Variants in PRR5 observed in about 807,000 individuals in gnomAD.
The protein encoded by PRR5 is proline rich 5.
In PRR5, 25 loss-of-function variants were observed where a neutral mutation model predicts 30.6. That is an observed-to-expected ratio of 0.82 (90% CI 0.60 to 1.14). PRR5 has a LOEUF of 1.14. Ranked by LOEUF, PRR5 falls within the 50% of genes most tolerant of loss-of-function variation. PRR5 has a pLI of 0.00. For synonymous variants in PRR5, 286 were observed against 247.1 expected (o/e 1.16, Z -1.48); for missense variants, 600 against 547.1 (o/e 1.10, Z -0.96).
chr22:44,676,154 C>T (rs959615640), upstream of PRR5, among the ~76,000 whole-genome samples: 1 of 151,884 alleles, frequency 6.6e-6, no homozygotes, highest in Admixed American at 6.6e-5. Flanking sequence ...GAGGTCAAGG[C>T]GGGCAGATCA....
intron 2 of PRR5, among the ~76,000 whole-genome samples, chr22:44,719,962 A>G (rs1456981156): frequency 6.6e-6 from 1 of 152,220 alleles, no homozygotes. Flanking sequence ...CATCCCAGGT[A>G]TACCCAGGCT....
intron 2 of PRR5, among the ~76,000 whole-genome samples, chr22:44,721,930 C>G (rs1397518753): frequency 6.6e-6 from 1 of 152,236 alleles, no homozygotes; most frequent in African/African-American, 2.4e-5. Flanking sequence ...AGTGGCCCTG[C>G]AAGTAATGCC....
upstream of PRR5, among the ~76,000 whole-genome samples, chr22:44,672,977 C>A (rs1569058197): frequency 6.6e-6 from 1 of 152,248 alleles, no homozygotes; most frequent in African/African-American, 2.4e-5. Flanking sequence ...GCCTTGCCAT[C>A]AGGAACCACC....
At chr22:44,702,845 C>T (rs1427715788) in intron 1 of PRR5, among the ~76,000 whole-genome samples, 2 of 152,186 alleles carry the variant, frequency 1.3e-5, no homozygotes, top group African/African-American at 4.8e-5. Flanking sequence ...CGGGGCTGGC[C>T]CAGAAGCGCC....
intron 1 of PRR5, among the ~76,000 whole-genome samples, chr22:44,703,776 G>A (rs550326569): frequency 5.5e-4 from 84 of 152,274 alleles, no homozygotes; most frequent in African/African-American, 1.9e-3. Context: ...CTAGCACTTT[G>A]GGAGGCCAAG....
At chr22:44,697,984 ATGTCACT>A (rs1278567862), upstream of PRR5, among the ~76,000 whole-genome samples, 1 of 152,156 alleles carries the variant, frequency 6.6e-6, no homozygotes, top group Non-Finnish European at 1.5e-5. Context: ...AGAGATCATG[ATGTCACT>A]TGCAGTGCTG....
intron 4 of PRR5, chr22:44,731,466 G>T: frequency 1.8e-6 from 1 of 549,086 alleles, no homozygotes; most frequent in Non-Finnish European, 3.3e-6. Flanking sequence ...AGTTCCCTGT[G>T]CCTTAGGCTC....
Position 44,726,724 on chromosome 22 carries a change from G to A in PRR5, c.322+90G>A, listed in dbSNP as rs1920962197. On this transcript the variant is annotated intron_variant, in intron 4 of 7. Coordinates refer to ENST00000336985, the MANE Select transcript of PRR5 (RefSeq NM_181333.4). Reference sequence around the variant, plus strand: ...TGGGCCTCGTGCTGGGGGCCTCTGGGTGCAAGGTGTGGCTCTCTGGTCCGG... The same window carrying A: ...TGGGCCTCGTGCTGGGGGCCTCTGGATGCAAGGTGTGGCTCTCTGGTCCGG... The A allele has an allele frequency of 1.6e-5, 26 of 1,588,792 alleles. 1 individual carries two copies. In the South Asian group the frequency reaches 2.4e-4, roughly 15 times the overall value.
chr22:44,734,795 C>T, intron 6 of PRR5: 1 of 604,944 alleles, frequency 1.7e-6, no homozygotes, highest in Non-Finnish European at 2.9e-6. Flanking sequence ...CAGGGCACAC[C>T]ATGGTCTCCC....
intron 1 of PRR5, among the ~76,000 whole-genome samples, chr22:44,703,504 C>T (rs1926701532): frequency 6.6e-6 from 1 of 152,196 alleles, no homozygotes; most frequent in Non-Finnish European, 1.5e-5. Context: ...TTGTGAGCGT[C>T]ATGGTGGGCT....
intron 2 of PRR5, among the ~76,000 whole-genome samples, chr22:44,717,350 C>T (rs1929227166): frequency 6.6e-6 from 1 of 151,794 alleles, no homozygotes; most frequent in Non-Finnish European, 1.5e-5. Flanking sequence ...CATCACCACG[C>T]CTGGCTAATT....
At position 44,736,786 on chromosome 22, in the gene PRR5, C is replaced by T. The variant is rs756128125; in HGVS notation, c.706C>T (p.Arg236Cys). 15 of 1,550,048 alleles carry T rather than the reference C, an allele frequency of 9.7e-6. No individual in the cohort carries two copies. Among genetic ancestry groups the T allele is most frequent in the South Asian group, 9.6e-5 (8 of 83,696 alleles). The change falls in exon 8 of 8, where the codon CGC becomes TGC. Residue 236 changes from arginine (R) to cysteine (C), a missense_variant. Coordinates refer to ENST00000336985, the MANE Select transcript of PRR5 (RefSeq NM_181333.4). ...HSCILEKRLLRRSRSGDVLAK... is the reference protein window; with the variant it reads ...HSCILEKRLLCRSRSGDVLAK... ...TCTCTCCCCAGAAAAGCGCCTCCTC[C>T]GCCGCTCCCGCTCGGGGGACGTGCT... is the stretch of plus-strand genomic sequence containing the variant.
Position 44,737,377 on chromosome 22 carries a change from T to C in PRR5, c.*130T>C. On this transcript the variant is annotated 3_prime_UTR_variant, in exon 8 of 8. Transcript: ENST00000336985. ...AGCCCTATCGGCCTCGTCACTGGCC[T>C]TGGTCACTTTGTATTTCTGTCTTGG... 1 of 1,409,196 alleles carries C rather than the reference T, an allele frequency of 7.1e-7. No individual in the cohort carries two copies. The highest frequency in any genetic ancestry group is 9.3e-7 in the Non-Finnish European group (1 of 1,075,214). 87.3% of individuals were successfully genotyped at this position (1,409,196 alleles called of 1,614,324 possible).
chr22:44,718,637 AG>A (rs57707731), intron 2 of PRR5, among the ~76,000 whole-genome samples: 53,845 of 152,052 alleles, frequency 0.35, 9,804 homozygotes, highest in South Asian at 0.56. Context: ...TAAGCAGGGC[AG>A]GAGAGTTCAG....
rs979384450 is a variant in PRR5, at chr22:44,684,200, G to C, written c.-11+6960G>C. On this transcript the variant is annotated intron_variant, in intron 1 of 8. Transcript: ENST00000006251. Reference sequence around the variant, plus strand: ...AGAGCCTGAGCTGTGAGCCCAGTGAGGCCAGGAGCTGGAAGCCAGTCTGAT... The same window carrying C: ...AGAGCCTGAGCTGTGAGCCCAGTGACGCCAGGAGCTGGAAGCCAGTCTGAT... Among the ~76,000 whole-genome samples, 7 of 152,334 alleles carry C rather than the reference G, an allele frequency of 4.6e-5. No homozygotes were observed. In the East Asian group the frequency reaches 1.4e-3, roughly 29 times the overall value.
chr22:44,712,535 T>A (rs542669957), intron 1 of PRR5, among the ~76,000 whole-genome samples: 2 of 152,270 alleles, frequency 1.3e-5, no homozygotes, highest in African/African-American at 4.8e-5. Context: ...GGAGTTCAGG[T>A]GCACAGGGGC....
At chr22:44,700,185 C>T (rs12166489), upstream of PRR5, among the ~76,000 whole-genome samples, 49 of 152,090 alleles carry the variant, frequency 3.2e-4, 1 homozygote, top group African/African-American at 1.0e-3. Context: ...GCCAGGGAGC[C>T]GGGCACAGTG....
chr22:44,726,954 C>A (rs1164970652), intron 4 of PRR5, among the ~76,000 whole-genome samples: 1 of 152,190 alleles, frequency 6.6e-6, no homozygotes, highest in Non-Finnish European at 1.5e-5. Context: ...GGGAGAGCCC[C>A]TGTCCTGGTC....
chr22:44,703,902 G>A (rs1926772345), intron 1 of PRR5, among the ~76,000 whole-genome samples: 1 of 152,164 alleles, frequency 6.6e-6, no homozygotes, highest in Non-Finnish European at 1.5e-5. Flanking sequence ...GAAGAGCAGT[G>A]TTCTCCTCCA....
Sources: allele counts gnomAD v4.1 joint callset (sites outside exome capture counted in the v4.1 genomes callset), GRCh38; gene constraint gnomAD v4.1.1; transcripts MANE v1.5; gene names NCBI Gene and HGNC (gene_info 2026-07-23, HGNC 2026-07-21).